THAP4: variants seen among roughly 807,000 people sequenced by gnomAD.
THAP4 encodes the protein peroxynitrite isomerase THAP4.
Under a neutral mutation model 48.1 loss-of-function variants are expected in THAP4, and 18 were observed. That is an observed-to-expected ratio of 0.37 (90% confidence interval 0.26 to 0.56). THAP4 has a LOEUF of 0.56. Among genes scored for constraint, THAP4 ranks in the 20% least tolerant of loss-of-function variants. THAP4 has a pLI of 0.78. For missense variants in THAP4, 656 were observed against 774.9 expected (o/e 0.85, Z 1.82); for synonymous variants, 345 against 324.9 (o/e 1.06, Z -0.66).
In THAP4 at chr2:241,633,935, G is replaced by A; in HGVS notation, c.222C>T (p.Arg74=). 1 of 1,614,160 alleles carries A rather than the reference G, an allele frequency of 6.2e-7. No homozygotes were observed. Residue 74 remains arginine, a synonymous_variant, in exon 2 of 6, where the codon CGC becomes CGT. Transcript: ENST00000407315. This position sits in a 1 kb window ranked among gnomAD's most constrained non-coding sequence, Gnocchi z 7.5. Reference sequence around the variant, plus strand: ...ATGGCACGGCCGTGGGCTTCAGCAGGCGATGCTGGTCCTCCAGCCTCTTGG... The same window carrying A: ...ATGGCACGGCCGTGGGCTTCAGCAGACGATGCTGGTCCTCCAGCCTCTTGG... ...SFSKRLEDQH[R]LLKPTAVPSI...
intron 5 of THAP4, among the ~76,000 whole-genome samples, chr2:241,587,535 G>A (rs1276361007): frequency 6.6e-6 from 1 of 152,180 alleles, no homozygotes; most frequent in Non-Finnish European, 1.5e-5. Flanking sequence ...TGCTACATTC[G>A]TTAAGTGTAC....
chr2:241,613,224 T>C (rs1045295278), intron 2 of THAP4, among the ~76,000 whole-genome samples: 4 of 139,258 alleles, frequency 2.9e-5, no homozygotes, highest in Non-Finnish European at 4.6e-5. Context: ...CAGGAGACAA[T>C]AGGGAAATGA....
rs1473753708 is a variant in THAP4, at chr2:241,637,120, C to T, written c.-103G>A. On this transcript the variant is annotated 5_prime_UTR_variant, in exon 1 of 6. Transcript: ENST00000407315. ...AGCGCGGCGGCGACACGGCTCGGGA[C>T]GTGGGCCGGCCCGCGGCGTCCGCGC... The T allele has an allele frequency of 1.4e-5, 14 of 1,000,536 alleles. No individual in the cohort carries two copies. The Admixed American group carries it at 8.6e-4, about 61-fold the overall frequency. The allele number at this position is 1,000,536 out of a possible 1,614,324, so 62.0% of individuals were successfully genotyped here. A position where few individuals can be genotyped will look rare whatever the true frequency, so the allele number is the denominator to read the frequency against.
At chr2:241,591,553 G>A (rs763612090) in intron 5 of THAP4, among the ~76,000 whole-genome samples, 5 of 152,164 alleles carry the variant, frequency 3.3e-5, no homozygotes, top group African/African-American at 4.8e-5. Flanking sequence ...CCTGGAACCA[G>A]AGAGAGGGTG....
At chr2:241,631,950 CAA>C (rs1222445929) in intron 2 of THAP4, among the ~76,000 whole-genome samples, 1 of 149,164 alleles carries the variant, frequency 6.7e-6, no homozygotes, top group African/African-American at 2.5e-5. Context: ...CGCAGGCTGA[CAA>C]AGAGTAGTGC....
upstream of THAP4, chr2:241,637,315 C>A: frequency 8.4e-7 from 1 of 1,187,184 alleles, no homozygotes; most frequent in Non-Finnish European, 1.1e-6. Context: ...GTCGCCCCGG[C>A]GGGGCAAGTC....
At position 241,633,876 on chromosome 2, in the gene THAP4, G is replaced by GC; in HGVS notation, c.280dup (p.Ala94GlyfsTer59). The GC allele has an allele frequency of 6.2e-7, 1 of 1,613,986 alleles. No individual in the cohort carries two copies. Among genetic ancestry groups the GC allele is most frequent in the Non-Finnish European group, 8.5e-7 (1 of 1,179,928 alleles). Reference sequence around the variant, plus strand: ...TCTCCGGGTGCGGCCATGGCCTCCAGCCCCCCTCTTCTTCTCGGTCAGGTG... The same window carrying GC: ...TCTCCGGGTGCGGCCATGGCCTCCAGCCCCCCCTCTTCTTCTCGGTCAGGTG... On this transcript the variant is annotated frameshift_variant, in exon 2 of 6. Transcript: ENST00000407315. LOFTEE classifies it high-confidence loss of function. This position sits in a 1 kb window ranked among gnomAD's most constrained non-coding sequence, Gnocchi z 7.5.
chr2:241,603,154 T>G, intron 3 of THAP4, 75 bp from the exon 4 acceptor site: 1 of 1,199,838 alleles, frequency 8.3e-7, no homozygotes, highest in Non-Finnish European at 1.2e-6. Context: ...ATGCCAGAAC[T>G]GTCCAGGGTG....
chr2:241,589,149 G>A (rs1422996143), intron 5 of THAP4, among the ~76,000 whole-genome samples: 1 of 150,034 alleles, frequency 6.7e-6, no homozygotes, highest in Non-Finnish European at 1.5e-5. Context: ...GGAGGTAGAG[G>A]TTGCAGTGAG....
intron 5 of THAP4, among the ~76,000 whole-genome samples, chr2:241,587,581 C>A (rs866405989): frequency 2.0e-5 from 3 of 152,004 alleles, no homozygotes; most frequent in Admixed American, 6.6e-5. Context: ...TATACTGGGG[C>A]GTAAAATAAG....
chr2:241,611,656 A>T (rs2067278484), intron 2 of THAP4, among the ~76,000 whole-genome samples: 1 of 151,412 alleles, frequency 6.6e-6, no homozygotes, highest in South Asian at 2.1e-4. Flanking sequence ...CCCCGGAGGC[A>T]CAGGTTGCAG....
Position 241,610,340 on chromosome 2 carries a change from C to T in THAP4, c.1241-3867G>A, listed in dbSNP as rs1171055310. On this transcript the variant is annotated intron_variant, in intron 2 of 5. Coordinates refer to ENST00000407315, the MANE Select transcript of THAP4 (RefSeq NM_015963.6). The surrounding 1 kb of genome is among the most constrained non-coding windows in gnomAD (Gnocchi z 4.2). ...TCCGCCCTCTCTTGCGCCTGCGGGA[C>T]CGGGAGGGCCGCGCTCGCCCCCCAG... 2.0e-5 allele frequency among the ~76,000 whole-genome samples: 3 copies of T among 152,170 alleles called. No homozygotes were observed. Among genetic ancestry groups the T allele is most frequent in the South Asian group, 4.1e-4 (2 of 4,834 alleles).
chr2:241,603,130 C>T (rs745829973), intron 3 of THAP4, 51 bp from the exon 4 acceptor site: 45 of 1,445,364 alleles, frequency 3.1e-5, no homozygotes, highest in African/African-American at 5.6e-5. Flanking sequence ...TCCAAGATGG[C>T]GTGGGCTGCG....
chr2:241,602,817 C>A (rs1268538247), intron 4 of THAP4, among the ~76,000 whole-genome samples, 153 bp downstream of exon 4: 1 of 152,222 alleles, frequency 6.6e-6, no homozygotes, highest in African/African-American at 2.4e-5. Flanking sequence ...CCCGCAGGCT[C>A]CCAGGACCAC....
chr2:241,606,374 G>T lies in THAP4; in HGVS notation c.1340C>A (p.Pro447His). The T allele has an allele frequency of 6.3e-7, 1 of 1,589,382 alleles. No homozygotes were observed. The highest frequency in any genetic ancestry group is 2.3e-5 in the East Asian group (1 of 43,506). The change falls in exon 3 of 6, where the codon CCC becomes CAC. Residue 447 changes from proline (P) to histidine (H), a missense_variant. Physicochemically the swap from Pro to His is moderately conservative, Grantham distance 77. This residue lies in a region of THAP4 where 176 missense variants were observed against 256.7 expected (regional missense o/e 0.69). Transcript: ENST00000407315. ...PGAGTYPTLQ[P>H]FQYLEEVHIS... ...GTGAACCTCCTCCAGGTACTGGAAG[G>T]GCTGCAGTGTGGGGTAGGTCCCGGC...
chr2:241,594,522 C>A, intron 5 of THAP4: 1 of 275,046 alleles, frequency 3.6e-6, no homozygotes, highest in Admixed American at 3.4e-5. Context: ...TTCAGGAGTT[C>A]AAGACCTGCC....
intron 3 of THAP4, among the ~76,000 whole-genome samples, chr2:241,605,523 C>T (rs533584505): frequency 1.3e-5 from 2 of 152,286 alleles, no homozygotes; most frequent in Admixed American, 6.5e-5. Context: ...TCCCTAAAAG[C>T]AGGCAATTTC....
chr2:241,631,215 C>A (rs757729288), intron 2 of THAP4, among the ~76,000 whole-genome samples: 1 of 152,138 alleles, frequency 6.6e-6, no homozygotes. Flanking sequence ...GCTTTGTTTT[C>A]GGTTGTGCTA....
At position 241,606,484 on chromosome 2, in the gene THAP4, A is replaced by G. The variant is rs760113847; in HGVS notation, c.1241-11T>C. The G allele has an allele frequency of 1.6e-5, 26 of 1,592,222 alleles. No homozygotes were observed. In the South Asian group the frequency reaches 2.9e-4, roughly 18 times the overall value. On this transcript the variant is annotated splice_polypyrimidine_tract_variant and intron_variant, in intron 2 of 5. Coordinates refer to ENST00000407315, the MANE Select transcript of THAP4 (RefSeq NM_015963.6). The stretch of plus-strand genomic sequence containing the variant: ...TCATCTTGGGGGGCTCTGAGGACAA[A>G]AGAATGAGACTATCAGTGGCCTCCC...
Sources: allele counts gnomAD v4.1 joint callset (sites outside exome capture counted in the v4.1 genomes callset), GRCh38; gene constraint gnomAD v4.1.1; regional missense constraint gnomAD v4.1.1; non-coding constraint Gnocchi (gnomAD v3.1); transcripts MANE v1.5; gene names NCBI Gene and HGNC (gene_info 2026-07-23, HGNC 2026-07-21).